GUCY1A2: variants seen among roughly 807,000 people sequenced by gnomAD.
GUCY1A2 encodes guanylate cyclase 1 soluble subunit alpha 2, also known as guanylate cyclase soluble subunit alpha-2.
Under a neutral mutation model 63.5 loss-of-function variants are expected in GUCY1A2, and 27 were observed. The observed-to-expected ratio is 0.43, with a 90% CI of 0.31 to 0.59. The LOEUF (loss-of-function observed/expected upper bound fraction) is 0.59. Ranked by LOEUF, GUCY1A2 falls within the 20% of genes least tolerant of loss-of-function variation. The probability of loss-of-function intolerance (pLI) is 0.11; values close to 1 mark genes in which losing one functional copy is unlikely to be tolerated. For missense variants in GUCY1A2, 768 were observed against 913.3 expected (o/e 0.84, Z 2.05); for synonymous variants, 364 against 343.5 (o/e 1.06, Z -0.66).
chr11:106,824,668 G>A (rs1368382763), intron 4 of GUCY1A2: 1 of 850,478 alleles, frequency 1.2e-6, no homozygotes, highest in Non-Finnish European at 1.7e-6. Flanking sequence ...GAAATTTGTA[G>A]ATAAAAAACT....
chr11:106,832,114 A>C (rs982176503), intron 4 of GUCY1A2, among the ~76,000 whole-genome samples: 1 of 152,186 alleles, frequency 6.6e-6, no homozygotes, highest in Non-Finnish European at 1.5e-5. Flanking sequence ...ACAAATATGC[A>C]GTTGGTTTTA....
chr11:106,811,103 A>G (rs1858756250), intron 4 of GUCY1A2, among the ~76,000 whole-genome samples: 1 of 152,046 alleles, frequency 6.6e-6, no homozygotes, highest in Non-Finnish European at 1.5e-5. Context: ...ATGTTCATAT[A>G]AGCTAAAAAT....
At chr11:106,838,468 A>G (rs543167406) in intron 4 of GUCY1A2, among the ~76,000 whole-genome samples, 27 of 152,138 alleles carry the variant, frequency 1.8e-4, no homozygotes, top group African/African-American at 6.5e-4. Context: ...AAATTTATAT[A>G]CATATATTCA....
intron 4 of GUCY1A2, chr11:106,936,515 A>G (rs980740218): frequency 3.9e-6 from 2 of 517,470 alleles, no homozygotes; most frequent in Non-Finnish European, 6.9e-6. Context: ...ACATACGAAT[A>G]CTATAATGAG....
intron 6 of GUCY1A2, among the ~76,000 whole-genome samples, chr11:106,718,761 A>T (rs999864817): frequency 3.3e-5 from 5 of 152,188 alleles, no homozygotes; most frequent in Non-Finnish European, 5.9e-5. Flanking sequence ...TGTGTTAGAA[A>T]TGTAGACAGC....
At chr11:106,919,264 T>A (rs1232156126) in intron 4 of GUCY1A2, among the ~76,000 whole-genome samples, 1 of 152,156 alleles carries the variant, frequency 6.6e-6, no homozygotes, top group African/African-American at 2.4e-5. Context: ...GGCTACAAAC[T>A]TTTTCAGTTT....
intron 4 of GUCY1A2, among the ~76,000 whole-genome samples, chr11:106,856,846 C>A (rs764878564): frequency 5.9e-5 from 9 of 152,184 alleles, no homozygotes; most frequent in Non-Finnish European, 1.3e-4. Context: ...CTGCCAACTT[C>A]CCTACTTGGT....
intron 6 of GUCY1A2, among the ~76,000 whole-genome samples, chr11:106,741,789 A>G (rs1410086943): frequency 6.6e-6 from 1 of 152,250 alleles, no homozygotes; most frequent in African/African-American, 2.4e-5. Context: ...TTGCAGTCAC[A>G]AGCAATTATC....
At position 107,017,890 on chromosome 11, in the gene GUCY1A2, C is replaced by CA; in HGVS notation, c.165dup (p.Ala56CysfsTer62). The CA allele has an allele frequency of 8.0e-7, 1 of 1,247,152 alleles. No homozygotes were observed. Among genetic ancestry groups the CA allele is most frequent in the Non-Finnish European group, 1.0e-6 (1 of 993,100 alleles). The allele number at this position is 1,247,152 out of a possible 1,614,324, so 77.3% of individuals were successfully genotyped here. ...GCCGGGGTCGGGGCCGGGGCGGCGGCAGCGGCAGCTGCGGCCGGGCTGGGC... is the reference window on the plus strand; with the variant it reads ...GCCGGGGTCGGGGCCGGGGCGGCGGCAAGCGGCAGCTGCGGCCGGGCTGGGC... On this transcript the variant is annotated frameshift_variant, in exon 1 of 8. Coordinates refer to ENST00000526355, the MANE Select transcript of GUCY1A2 (RefSeq NM_000855.3). LOFTEE classifies it high-confidence loss of function.
At chr11:106,832,902 T>C (rs569943733) in intron 4 of GUCY1A2, among the ~76,000 whole-genome samples, 1 of 152,238 alleles carries the variant, frequency 6.6e-6, no homozygotes, top group East Asian at 1.9e-4. Flanking sequence ...CCTACTATTG[T>C]CCTACATACT....
chr11:106,918,122 T>TG (rs2119890155), intron 4 of GUCY1A2, among the ~76,000 whole-genome samples: 1 of 144,468 alleles, frequency 6.9e-6, no homozygotes, highest in East Asian at 2.1e-4. Flanking sequence ...ATAACGCCCC[T>TG]GTTTGCATGC....
chr11:106,970,190 A>G (rs983441425), intron 3 of GUCY1A2, among the ~76,000 whole-genome samples: 13 of 152,170 alleles, frequency 8.5e-5, no homozygotes, highest in African/African-American at 2.9e-4. Flanking sequence ...TGGACATCTT[A>G]TATTTCAACA....
intron 4 of GUCY1A2, among the ~76,000 whole-genome samples, chr11:106,846,303 T>A (rs1445168277): frequency 6.6e-6 from 1 of 151,678 alleles, no homozygotes; most frequent in Non-Finnish European, 1.5e-5. Context: ...ATGCTGAAAT[T>A]TTAGAAGACA....
At chr11:106,745,854 A>G (rs1863778210) in intron 6 of GUCY1A2, among the ~76,000 whole-genome samples, 1 of 152,208 alleles carries the variant, frequency 6.6e-6, no homozygotes, top group Non-Finnish European at 1.5e-5. Context: ...CCAGAGGGAT[A>G]TATTTTGAGC....
intron 1 of GUCY1A2, among the ~76,000 whole-genome samples, chr11:107,017,046 T>TA (rs111643507): frequency 0.018 from 2,558 of 144,796 alleles, 46 homozygotes; most frequent in African/African-American, 0.061. Flanking sequence ...AAATTTAATT[T>TA]AAAAAAAAAG....
Position 106,683,390 on chromosome 11 carries a change from A to T in GUCY1A2, c.*4159T>A, listed in dbSNP as rs1285845623. 8.9e-6 allele frequency: 2 copies of T among 225,280 alleles called. No individual in the cohort carries two copies. The highest frequency in any genetic ancestry group is 1.8e-5 in the Non-Finnish European group (2 of 113,042). The allele number at this position is 225,280 out of a possible 1,614,324, so 14.0% of individuals were successfully genotyped here. ...CATTTATAATTAATTTCAAAGGAAC[A>T]TTCAGTGAAGCTGTATGAAGTGCTT... On this transcript the variant is annotated 3_prime_UTR_variant, in exon 8 of 8. Transcript: ENST00000526355.
chr11:106,893,402 G>A (rs1361622624), intron 4 of GUCY1A2, among the ~76,000 whole-genome samples: 1 of 151,954 alleles, frequency 6.6e-6, no homozygotes, highest in Non-Finnish European at 1.5e-5. Context: ...AAACTTAAAG[G>A]ATTGGGGAAA....
intron 7 of GUCY1A2, among the ~76,000 whole-genome samples, chr11:106,705,914 G>A (rs1862901726): frequency 6.6e-6 from 1 of 152,030 alleles, no homozygotes; most frequent in South Asian, 2.1e-4. Flanking sequence ...AACTCATTAG[G>A]ATGTCACAAT....
rs777955923 is a variant in GUCY1A2 at position 106,743,215 on chromosome 11, T to A, written c.1836+33224A>T. On this transcript the variant is annotated intron_variant, in intron 6 of 7. Coordinates refer to ENST00000526355, the MANE Select transcript of GUCY1A2 (RefSeq NM_000855.3). ...ACTCCTATGGTCACCTCCTAACTGA[T>A]CTTTCTGTTCCCAAGCTTGTCCCTT... Among the ~76,000 whole-genome samples the A allele has an allele frequency of 2.0e-5, 3 of 152,156 alleles. No individual in the cohort carries two copies. The East Asian group carries it at 5.8e-4, about 29-fold the overall frequency.
Sources: gnomAD v4.1 joint callset for allele counts (sites outside exome capture counted in the v4.1 genomes callset) on GRCh38, gnomAD v4.1.1 for gene constraint, MANE v1.5 for transcripts, NCBI Gene and HGNC (gene_info 2026-07-23, HGNC 2026-07-21) for gene names.